Variants in PRKAR1B observed in about 807,000 individuals in gnomAD.
PRKAR1B encodes the protein cAMP-dependent protein kinase type I-beta regulatory subunit.
A neutral mutation model predicts 46.5 loss-of-function variants in PRKAR1B; 22 were observed. The observed-to-expected ratio is 0.47, with a 90% CI of 0.34 to 0.68. PRKAR1B has a LOEUF of 0.68. Ranked by LOEUF, PRKAR1B falls within the 30% of genes least tolerant of loss-of-function variation. The probability of loss-of-function intolerance (pLI) is 0.01; values close to 1 mark genes in which losing one functional copy is unlikely to be tolerated. For missense variants in PRKAR1B, 445 were observed against 535.6 expected (o/e 0.83, Z 1.67); for synonymous variants, 259 against 217.7 (o/e 1.19, Z -1.67).
intron 1 of PRKAR1B, among the ~76,000 whole-genome samples, chr7:713,617 G>T (rs1032188257): frequency 2.0e-5 from 3 of 149,544 alleles, no homozygotes; most frequent in African/African-American, 7.4e-5. Context: ...TGCTCACCTG[G>T]TCCACACTCA....
intron 4 of PRKAR1B, among the ~76,000 whole-genome samples, chr7:648,350 G>C (rs771832891): frequency 6.6e-6 from 1 of 151,976 alleles, no homozygotes; most frequent in Non-Finnish European, 1.5e-5. Flanking sequence ...GGTGGCTCAC[G>C]TCTGTCATCC....
intron 1 of PRKAR1B, among the ~76,000 whole-genome samples, chr7:724,022 C>T (rs1022105251): frequency 6.6e-6 from 1 of 152,104 alleles, no homozygotes; most frequent in Non-Finnish European, 1.5e-5. Context: ...GGATGAGTGC[C>T]CAACCTCATG....
At chr7:682,814 G>A (rs1778768729) in intron 2 of PRKAR1B, among the ~76,000 whole-genome samples, 1 of 152,140 alleles carries the variant, frequency 6.6e-6, no homozygotes, top group Non-Finnish European at 1.5e-5. Flanking sequence ...GGCTCTGTGT[G>A]CAGAAGCAAT....
intron 2 of PRKAR1B, among the ~76,000 whole-genome samples, chr7:710,959 G>A (rs1780592744): frequency 6.6e-6 from 1 of 152,136 alleles, no homozygotes; most frequent in African/African-American, 2.4e-5. Flanking sequence ...TATCCCAAGT[G>A]GTGACAGCAT....
chr7:592,648 C>A (rs1041654276), intron 7 of PRKAR1B, among the ~76,000 whole-genome samples: 2 of 152,248 alleles, frequency 1.3e-5, no homozygotes, highest in Non-Finnish European at 2.9e-5. Flanking sequence ...ACAGCCTCCA[C>A]CACAGAATTC....
chr7:684,542 C>T (rs1778896848), intron 2 of PRKAR1B, among the ~76,000 whole-genome samples: 1 of 152,168 alleles, frequency 6.6e-6, no homozygotes, highest in South Asian at 2.1e-4. Flanking sequence ...TACGCAGCAG[C>T]CCGGGGTATG....
rs1782037564 is a variant in PRKAR1B, at chr7:606,207, G to C, written c.535C>G (p.Gln179Glu). Residue 179 changes from glutamine to glutamate, a missense_variant, in exon 6 of 11, where the codon CAA becomes GAA. Physicochemically the swap from Gln to Glu is conservative, Grantham distance 29. Around this residue, in one of 5 missense-constraint regions of PRKAR1B, gnomAD observed 94 missense variants for 126.9 expected, o/e 0.74. Coordinates refer to ENST00000537384, the MANE Select transcript of PRKAR1B (RefSeq NM_001164760.2). ...GCGACACTCACATCCACTTCCCCTTGATCAACGACATAGAAGTTGTCTCCT... is the reference window on the plus strand; with the variant it reads ...GCGACACTCACATCCACTTCCCCTTCATCAACGACATAGAAGTTGTCTCCT... ...NEGDNFYVVD[Q>E]GEVDVYVNGE... 2 of 1,613,818 alleles carry C rather than the reference G, an allele frequency of 1.2e-6. No homozygotes were observed. The highest frequency in any genetic ancestry group is 2.7e-5 in the African/African-American group (2 of 74,904).
At chr7:615,545 G>A (rs1028698443) in intron 4 of PRKAR1B, among the ~76,000 whole-genome samples, 2 of 150,768 alleles carry the variant, frequency 1.3e-5, no homozygotes, top group African/African-American at 4.9e-5. Context: ...GAGAAAGAAG[G>A]AAAGAAAGAA....
At chr7:673,213 G>T (rs920493632) in intron 4 of PRKAR1B, among the ~76,000 whole-genome samples, 12 of 152,134 alleles carry the variant, frequency 7.9e-5, no homozygotes, top group Non-Finnish European at 1.3e-4. Flanking sequence ...GACCAGAAAG[G>T]GCTCTCTCTT....
chr7:682,780 C>A (rs556024131), intron 2 of PRKAR1B, among the ~76,000 whole-genome samples: 1 of 152,136 alleles, frequency 6.6e-6, no homozygotes, highest in East Asian at 1.9e-4. Flanking sequence ...AAAGAGATTT[C>A]AACCTGTCCT....
At chr7:680,194 G>A (rs1312050077) in intron 3 of PRKAR1B, among the ~76,000 whole-genome samples, 2 of 151,582 alleles carry the variant, frequency 1.3e-5, no homozygotes, top group African/African-American at 2.4e-5. Flanking sequence ...AGACCAGAGA[G>A]GCTGCAGGAG....
chr7:647,732 G>C (rs575892347), intron 4 of PRKAR1B, among the ~76,000 whole-genome samples: 11 of 150,900 alleles, frequency 7.3e-5, no homozygotes, highest in South Asian at 2.1e-4. Context: ...CATGAACCTG[G>C]GGGGGCAGAG....
chr7:604,793 C>T (rs942305845), intron 6 of PRKAR1B, among the ~76,000 whole-genome samples: 7 of 152,244 alleles, frequency 4.6e-5, no homozygotes, highest in South Asian at 4.2e-4. Context: ...GCTGGGCAGC[C>T]GGGGGTGGCG....
intron 9 of PRKAR1B, among the ~76,000 whole-genome samples, chr7:567,615 A>T (rs1290906505): frequency 3.3e-5 from 5 of 152,174 alleles, no homozygotes; most frequent in Non-Finnish European, 5.9e-5. Context: ...CAGCAGCAGT[A>T]GCAGCAAAAT....
intron 1 of PRKAR1B, among the ~76,000 whole-genome samples, chr7:718,307 T>C (rs964147983): frequency 6.8e-6 from 1 of 147,766 alleles, no homozygotes; most frequent in Non-Finnish European, 1.5e-5. Flanking sequence ...TACACATATA[T>C]ACATACATAT....
intron 2 of PRKAR1B, among the ~76,000 whole-genome samples, chr7:697,278 A>C (rs1302641538): frequency 6.6e-6 from 1 of 152,188 alleles, no homozygotes; most frequent in Non-Finnish European, 1.5e-5. Flanking sequence ...TGGAATCTAA[A>C]GAGATTTCCT....
intron 2 of PRKAR1B, among the ~76,000 whole-genome samples, chr7:690,378 G>T (rs900564797): frequency 1.3e-5 from 2 of 151,798 alleles, no homozygotes; most frequent in African/African-American, 2.4e-5. Flanking sequence ...CAGCTGCTGG[G>T]GCCATCCATA....
intron 9 of PRKAR1B, among the ~76,000 whole-genome samples, chr7:552,310 T>C (rs1220302843): frequency 4.0e-5 from 2 of 50,460 alleles, no homozygotes; most frequent in African/African-American, 7.3e-5. Flanking sequence ...AACCCCCACC[T>C]CCCGCCCGGG....
intron 9 of PRKAR1B, among the ~76,000 whole-genome samples, chr7:571,179 C>T (rs905704543): frequency 2.6e-5 from 4 of 152,134 alleles, no homozygotes; most frequent in South Asian, 2.1e-4. Context: ...TAAGCAGCAA[C>T]GCTTCAAAAT....
Sources: allele counts gnomAD v4.1 joint callset (sites outside exome capture counted in the v4.1 genomes callset), GRCh38; gene constraint gnomAD v4.1.1; regional missense constraint gnomAD v4.1.1; transcripts MANE v1.5; gene names NCBI Gene and HGNC (gene_info 2026-07-23, HGNC 2026-07-21).